ANO2: variants seen among roughly 807,000 people sequenced by gnomAD.
ANO2 encodes anoctamin 2.
Under a neutral mutation model 124.2 loss-of-function variants are expected in ANO2, and 101 were observed. The observed-to-expected ratio is 0.81, with a 90% CI of 0.69 to 0.96. The LOEUF (loss-of-function observed/expected upper bound fraction) is 0.96. Ranked by LOEUF, ANO2 falls within the 40% of genes least tolerant of loss-of-function variation. The pLI, the probability that ANO2 is intolerant of heterozygous loss-of-function variation, is 0.00. For missense variants in ANO2, 1,293 were observed against 1,274.5 expected, an observed-to-expected ratio of 1.01 and a Z score of -0.22; for synonymous variants, 486 against 482.5, an observed-to-expected ratio of 1.01 and a Z score of -0.09.
At chr12:5,726,092 G>A (rs973585499) in intron 14 of ANO2, among the ~76,000 whole-genome samples, 7 of 151,244 alleles carry the variant, frequency 4.6e-5, no homozygotes, top group South Asian at 2.1e-4. Flanking sequence ...ACCTCCAAAC[G>A]TGTCCGGGAT....
At chr12:5,742,289 AT>A (rs1951120594) in intron 12 of ANO2, among the ~76,000 whole-genome samples, 1 of 152,226 alleles carries the variant, frequency 6.6e-6, no homozygotes, top group Admixed American at 6.5e-5. Context: ...ATTATTTTTA[AT>A]TGTAATTTGT....
chr12:5,833,275 G>GT (rs780392536), intron 4 of ANO2, among the ~76,000 whole-genome samples: 7 of 152,122 alleles, frequency 4.6e-5, no homozygotes, highest in South Asian at 2.1e-4. Flanking sequence ...AGTGCATACT[G>GT]TTTTTTTTAT....
chr12:5,739,527 G>A (rs1951010189), intron 12 of ANO2, 128 bp from the exon 13 acceptor site: 2 of 706,888 alleles, frequency 2.8e-6, no homozygotes, highest in Non-Finnish European at 4.7e-6. Flanking sequence ...AATGCATTTA[G>A]CCTCTTTTTC....
chr12:5,656,830 C>G (rs770715559), intron 14 of ANO2, among the ~76,000 whole-genome samples: 2 of 152,220 alleles, frequency 1.3e-5, no homozygotes, highest in Non-Finnish European at 2.9e-5. Flanking sequence ...AGGGCATGGC[C>G]TAGACACTAT....
intron 14 of ANO2, 113 bp from the exon 15 acceptor site, chr12:5,647,914 T>C: frequency 1.3e-6 from 1 of 783,500 alleles, no homozygotes; most frequent in Admixed American, 2.1e-5. Context: ...TATATAGATA[T>C]ATTTCTAGTC....
intron 14 of ANO2, among the ~76,000 whole-genome samples, chr12:5,654,116 GAT>G (rs1422825163): frequency 1.3e-5 from 2 of 152,204 alleles, no homozygotes; most frequent in Non-Finnish European, 2.9e-5. Flanking sequence ...CTAACTAGCA[GAT>G]AGCAAGTCAT....
chr12:5,634,179 G>A (rs904293762), intron 16 of ANO2, among the ~76,000 whole-genome samples: 2 of 152,146 alleles, frequency 1.3e-5, no homozygotes, highest in Non-Finnish European at 2.9e-5. Flanking sequence ...GTAAGCTGCC[G>A]ATAGCAACAC....
chr12:5,922,846 G>A (rs1399400860), intron 1 of ANO2, 42 bp from the exon 2 acceptor site: 2 of 1,452,224 alleles, frequency 1.4e-6, no homozygotes, highest in Non-Finnish European at 9.1e-7. Flanking sequence ...AGCCTCAGGT[G>A]AAGGAAATCC....
chr12:5,857,271 C>G (rs1340558269), intron 3 of ANO2, among the ~76,000 whole-genome samples: 2 of 152,204 alleles, frequency 1.3e-5, no homozygotes, highest in Non-Finnish European at 2.9e-5. Context: ...GAGCTTGGAG[C>G]TTCCAAGTTA....
At chr12:5,727,811 CT>C (rs78477563) in intron 14 of ANO2, among the ~76,000 whole-genome samples, 59 of 124,364 alleles carry the variant, frequency 4.7e-4, no homozygotes, top group Middle Eastern at 4.7e-3. Context: ...CTACTTTTTT[CT>C]TTTTTTTTTT....
chr12:5,748,116 G>C (rs1951325022), intron 11 of ANO2, among the ~76,000 whole-genome samples: 1 of 151,700 alleles, frequency 6.6e-6, no homozygotes, highest in South Asian at 2.1e-4. Flanking sequence ...GCGTGCATGA[G>C]TGTGTGTGAA....
intron 4 of ANO2, among the ~76,000 whole-genome samples, chr12:5,852,794 A>G (rs1298716164): frequency 6.6e-6 from 1 of 151,856 alleles, no homozygotes; most frequent in East Asian, 1.9e-4. Context: ...AGTTACAAAC[A>G]GCAAGATGAT....
chr12:5,611,218 C>T (rs572520944), intron 19 of ANO2, among the ~76,000 whole-genome samples: 1 of 152,196 alleles, frequency 6.6e-6, no homozygotes, highest in African/African-American at 2.4e-5. Context: ...ATCCGCCCAC[C>T]TCAGCTTCCC....
At chr12:5,609,783 G>A (rs1367099247) in intron 19 of ANO2, among the ~76,000 whole-genome samples, 1 of 151,576 alleles carries the variant, frequency 6.6e-6, no homozygotes, top group Admixed American at 6.6e-5. Flanking sequence ...CCAGCTCATT[G>A]GGCCTTACCT....
intron 13 of ANO2, chr12:5,732,989 C>T (rs1950707932): frequency 1.6e-6 from 2 of 1,213,624 alleles, no homozygotes; most frequent in Non-Finnish European, 2.4e-6. Flanking sequence ...GAGGGATATC[C>T]CTGGTCATCC....
At chr12:5,588,278 C>T (rs1943223884) in intron 20 of ANO2, among the ~76,000 whole-genome samples, 1 of 151,914 alleles carries the variant, frequency 6.6e-6, no homozygotes, top group Non-Finnish European at 1.5e-5. Context: ...TCATTGCTCT[C>T]ATTTTTGTTC....
Position 5,904,587 on chromosome 12 carries a change from C to T in ANO2, c.534+16453G>A, listed in dbSNP as rs563840151. Among the ~76,000 whole-genome samples the T allele has an allele frequency of 6.6e-6, 1 of 152,336 alleles. No individual in the cohort carries two copies. Among genetic ancestry groups the T allele is most frequent in the South Asian group, 2.1e-4 (1 of 4,828 alleles). ...GGGGCAGCTGACACTCCACATCGTC[C>T]TGTCCTCCCTGCCAGAGCCCCAGGT... On this transcript the variant is annotated intron_variant, in intron 3 of 24. Transcript: ENST00000682330. This position sits in a 1 kb window ranked among gnomAD's most constrained non-coding sequence, Gnocchi z 4.1.
At chr12:5,854,178 G>C in intron 3 of ANO2, 37 bp from the exon 4 acceptor site, 1 of 1,574,980 alleles carries the variant, frequency 6.3e-7, no homozygotes, top group Non-Finnish European at 8.7e-7. Flanking sequence ...GGAAACACTT[G>C]TAAGGACATA....
At chr12:5,910,284 A>T (rs1356432381) in intron 3 of ANO2, among the ~76,000 whole-genome samples, 1 of 152,204 alleles carries the variant, frequency 6.6e-6, no homozygotes, top group African/African-American at 2.4e-5. Context: ...GGTTCCAGCG[A>T]TTCTCGTGCC....
Sources: gnomAD v4.1 joint callset for allele counts (sites outside exome capture counted in the v4.1 genomes callset) on GRCh38, gnomAD v4.1.1 for gene constraint, Gnocchi (gnomAD v3.1) non-coding constraint, MANE v1.5 for transcripts, NCBI Gene and HGNC (gene_info 2026-07-23, HGNC 2026-07-21) for gene names.